Variants in TRPC4 observed in about 807,000 individuals in gnomAD.
TRPC4 encodes short transient receptor potential channel 4.
In TRPC4, 49 loss-of-function variants were observed where a neutral mutation model predicts 99.4. The ratio of observed to expected loss-of-function variants is 0.49; its 90% CI spans 0.39 to 0.63. The LOEUF is 0.63. Ranked by LOEUF, TRPC4 falls within the 20% of genes least tolerant of loss-of-function variation. TRPC4 has a pLI of 0.00. For synonymous variants in TRPC4, 454 were observed against 425.9 expected, an observed-to-expected ratio of 1.07 and a Z score of -0.81; for missense variants, 898 against 1,152.9, an observed-to-expected ratio of 0.78 and a Z score of 3.20.
At chr13:37,832,266 G>C (rs1386904256) in intron 1 of TRPC4, among the ~76,000 whole-genome samples, 1 of 152,114 alleles carries the variant, frequency 6.6e-6, no homozygotes, top group Non-Finnish European at 1.5e-5. Context: ...TACTCAATTT[G>C]GCCACGCGCT....
intron 1 of TRPC4, among the ~76,000 whole-genome samples, chr13:37,808,302 T>C (rs369721841): frequency 2.6e-5 from 4 of 152,010 alleles, no homozygotes; most frequent in African/African-American, 9.7e-5. Flanking sequence ...GAAAAGTACA[T>C]TAGTATATGT....
intron 1 of TRPC4, among the ~76,000 whole-genome samples, chr13:37,847,087 C>T (rs1958926723): frequency 6.6e-6 from 1 of 151,764 alleles, no homozygotes; most frequent in Non-Finnish European, 1.5e-5. Flanking sequence ...AAGAAAGATA[C>T]TATAATAATA....
At chr13:37,853,454 CA>C in intron 1 of TRPC4, among the ~76,000 whole-genome samples, 1 of 152,164 alleles carries the variant, frequency 6.6e-6, no homozygotes, top group East Asian at 1.9e-4. Context: ...GAAGGATAGG[CA>C]AAAACAAGTC....
At chr13:37,866,159 A>C (rs1275084884) in intron 1 of TRPC4, among the ~76,000 whole-genome samples, 1 of 151,828 alleles carries the variant, frequency 6.6e-6, no homozygotes, top group African/African-American at 2.4e-5. Context: ...AAAAGAATGC[A>C]GTGTGCTAGA....
At chr13:37,790,369 G>T (rs1183910409) in intron 1 of TRPC4, among the ~76,000 whole-genome samples, 1 of 152,106 alleles carries the variant, frequency 6.6e-6, no homozygotes, top group African/African-American at 2.4e-5. Flanking sequence ...AGGGAAAATA[G>T]CACATCCCCC....
intron 3 of TRPC4, among the ~76,000 whole-genome samples, chr13:37,693,588 T>C (rs1260975103): frequency 1.3e-5 from 2 of 152,236 alleles, no homozygotes; most frequent in Non-Finnish European, 1.5e-5. Context: ...CTTTTTCCTT[T>C]CTTTTTTCTG....
intron 3 of TRPC4, among the ~76,000 whole-genome samples, chr13:37,726,039 T>C (rs1364293540): frequency 6.6e-6 from 1 of 151,818 alleles, no homozygotes; most frequent in Non-Finnish European, 1.5e-5. Flanking sequence ...CTACTAAAAA[T>C]ATAAAAATTC....
chr13:37,782,709 T>C (rs1956870808), intron 2 of TRPC4, among the ~76,000 whole-genome samples: 1 of 151,984 alleles, frequency 6.6e-6, no homozygotes, highest in Non-Finnish European at 1.5e-5. Flanking sequence ...AATTACTTTA[T>C]TTTGCTTTAG....
At chr13:37,863,028 G>A (rs894955341) in intron 1 of TRPC4, among the ~76,000 whole-genome samples, 8 of 151,518 alleles carry the variant, frequency 5.3e-5, no homozygotes, top group African/African-American at 1.9e-4. Flanking sequence ...ATTCACTACA[G>A]TAGCATGCTA....
At chr13:37,757,992 C>T (rs1956136760) in intron 2 of TRPC4, among the ~76,000 whole-genome samples, 1 of 151,862 alleles carries the variant, frequency 6.6e-6, no homozygotes, top group African/African-American at 2.4e-5. Context: ...ATAGATCTTC[C>T]TTAATTTACT....
intron 8 of TRPC4, among the ~76,000 whole-genome samples, chr13:37,650,599 C>CTG (rs1952010152): frequency 2.6e-5 from 2 of 76,508 alleles, no homozygotes; most frequent in Admixed American, 1.5e-4. Context: ...CTGTCTCTCT[C>CTG]TCTCTCTCTC....
At chr13:37,719,583 G>T (rs537759245) in intron 3 of TRPC4, among the ~76,000 whole-genome samples, 1 of 152,078 alleles carries the variant, frequency 6.6e-6, no homozygotes, top group African/African-American at 2.4e-5. Context: ...ATACCAATGT[G>T]TAAAGCAAAA....
chr13:37,639,263 A>T lies in TRPC4; in HGVS notation c.2116T>A (p.Tyr706Asn). The change falls in exon 9 of 11, where the codon TAC becomes AAC. Residue 706 changes from tyrosine to asparagine, a missense_variant. By Grantham distance (143) the Tyr-to-Asn change is moderately radical (BLOSUM62 -2). This residue lies in a region of TRPC4 where 346 missense variants were observed against 351.4 expected (regional missense o/e 0.98). Transcript: ENST00000379705. Reference protein sequence around the residue: ...AADNLRRHHQYQEVMRNLVKR... With the variant: ...AADNLRRHHQNQEVMRNLVKR... ...ATAGTACAAGGACAACTTACTTGGT[A>T]TTGGTGATGTCTTCTCAAGTTATCA... 1 of 1,613,710 alleles carries T rather than the reference A, an allele frequency of 6.2e-7. No homozygotes were observed. The highest frequency in any genetic ancestry group is 8.5e-7 in the Non-Finnish European group (1 of 1,179,674).
chr13:37,674,200 C>A, intron 5 of TRPC4, 28 bp downstream of exon 5: 1 of 1,551,178 alleles, frequency 6.4e-7, no homozygotes, highest in Non-Finnish European at 8.7e-7. Context: ...AGAACATATG[C>A]TTTACCAACA....
At chr13:37,665,782 G>A (rs1296726079) in intron 5 of TRPC4, among the ~76,000 whole-genome samples, 1 of 134,770 alleles carries the variant, frequency 7.4e-6, no homozygotes, top group East Asian at 2.4e-4. Flanking sequence ...ACTAGGTCAA[G>A]TTCTATTATG....
At chr13:37,821,691 TAAC>T (rs1400704034) in intron 1 of TRPC4, among the ~76,000 whole-genome samples, 2 of 152,082 alleles carry the variant, frequency 1.3e-5, no homozygotes, top group African/African-American at 2.4e-5. Context: ...TTGATAAAGT[TAAC>T]AACAGCAAGC....
rs1249618105 is a variant in TRPC4 at position 37,666,430 on chromosome 13, C to A, written c.1375-2701G>T. On this transcript the variant is annotated intron_variant, in intron 5 of 10. Coordinates refer to ENST00000379705, the MANE Select transcript of TRPC4 (RefSeq NM_016179.4). ...TGATCCAAAAAACCTCATTTCCTGTCACGGATTAAGAGATATAAATATGAA... is the reference window on the plus strand; with the variant it reads ...TGATCCAAAAAACCTCATTTCCTGTAACGGATTAAGAGATATAAATATGAA... Among the ~76,000 whole-genome samples, 6 of 152,272 alleles carry A rather than the reference C, an allele frequency of 3.9e-5. No individual in the cohort carries two copies. The East Asian group carries it at 1.2e-3, about 29-fold the overall frequency.
At chr13:37,823,858 T>G (rs1958108163) in intron 1 of TRPC4, among the ~76,000 whole-genome samples, 2 of 150,690 alleles carry the variant, frequency 1.3e-5, no homozygotes, top group Admixed American at 6.7e-5. Context: ...TAAATTACCT[T>G]GGGCAGTATG....
intron 1 of TRPC4, among the ~76,000 whole-genome samples, chr13:37,833,496 T>C (rs1348266951): frequency 7.2e-5 from 11 of 152,172 alleles, no homozygotes; most frequent in Admixed American, 4.6e-4. Flanking sequence ...GATGGGCAGC[T>C]GACGATCTTA....
Sources: allele counts gnomAD v4.1 joint callset (sites outside exome capture counted in the v4.1 genomes callset), GRCh38; gene constraint gnomAD v4.1.1; regional missense constraint gnomAD v4.1.1; transcripts MANE v1.5; gene names NCBI Gene and HGNC (gene_info 2026-07-23, HGNC 2026-07-21).